The following NHSL2 variants were observed in gnomAD, a reference collection of about 807,000 sequenced individuals.
NHSL2 encodes the protein NHS-like protein 2.
NHSL2 carries 27 observed loss-of-function variants against 53.4 expected under a neutral mutation model. The observed-to-expected ratio is 0.51, with a 90% CI of 0.37 to 0.70. The LOEUF (loss-of-function observed/expected upper bound fraction) is 0.70, where lower values mean the gene tolerates loss of function less well. Among genes scored for constraint, NHSL2 ranks in the 30% least tolerant of loss-of-function variants. The pLI is 0.00. For synonymous variants in NHSL2, 408 were observed against 404.1 expected (o/e 1.01, Z -0.12); for missense variants, 892 against 980.1 (o/e 0.91, Z 1.20).
In NHSL2 at chrX:72,134,493, C is replaced by A; in HGVS notation, c.565-16C>A. On this transcript the variant is annotated splice_polypyrimidine_tract_variant and intron_variant, in intron 3 of 7. Transcript: ENST00000633930. ...AGGCAGGAATACACCCTTTCCATCA[C>A]CTTCTCTCCCAACAGCCTACAAAAC... 8.7e-7 allele frequency: 1 copy of A among 1,154,132 alleles called. No homozygotes were observed. The highest frequency in any genetic ancestry group is 1.2e-6 in the Non-Finnish European group (1 of 860,794).
Position 72,143,392 on chromosome X carries a change from G to A in NHSL2, c.3496G>A (p.Ala1166Thr). Residue 1166 changes from alanine (A) to threonine (T), a missense_variant, in exon 8 of 8, where the codon GCC becomes ACC. By Grantham distance (58) the Ala-to-Thr change is moderately conservative. Coordinates refer to ENST00000633930, the MANE Select transcript of NHSL2 (RefSeq NM_001013627.3). The part of the protein sequence containing the change: ...STATAGSGSS[A>T]NLDAGRNDDF... ...CGCCACTGCAGGGTCAGGCAGCAGT[G>A]CCAACCTAGATGCTGGCAGAAATGA... The A allele has an allele frequency of 8.6e-7, 1 of 1,167,633 alleles. No individual in the cohort carries two copies. Among genetic ancestry groups the A allele is most frequent in the Middle Eastern group, 2.3e-4 (1 of 4,305 alleles).
chrX:72,143,676 T>A lies in NHSL2; in HGVS notation c.*102T>A, dbSNP rs972420361. 142 of 517,102 alleles carry A rather than the reference T, an allele frequency of 2.7e-4. No homozygotes were observed. Among genetic ancestry groups the A allele is most frequent in the Middle Eastern group, 3.7e-4 (1 of 2,723 alleles). The allele number at this position is 517,102 out of a possible 1,213,427, so 42.6% of individuals were successfully genotyped here. A position where few individuals can be genotyped will look rare whatever the true frequency, so the allele number is the denominator to read the frequency against. On this transcript the variant is annotated 3_prime_UTR_variant, in exon 8 of 8. Coordinates refer to ENST00000633930, the MANE Select transcript of NHSL2 (RefSeq NM_001013627.3). ...ACCATGGGAACAACAGAGCCTACAT[T>A]TCTTTTATATTAACTCACACTCTGG... is the stretch of plus-strand genomic sequence containing the variant.
At chrX:72,005,382 C>T (rs748291728) in intron 1 of NHSL2, among the ~76,000 whole-genome samples, 2 of 112,464 alleles carry the variant, frequency 1.8e-5, no homozygotes, top group African/African-American at 6.5e-5. Flanking sequence ...AGCTAGTGGT[C>T]ACTGTGTTTC....
intron 6 of NHSL2, among the ~76,000 whole-genome samples, chrX:72,141,787 A>G (rs936846187): frequency 3.6e-5 from 4 of 112,164 alleles, no homozygotes; most frequent in Non-Finnish European, 7.5e-5. Flanking sequence ...ATATGAGTCA[A>G]TTATGACTAA....
intron 1 of NHSL2, among the ~76,000 whole-genome samples, chrX:72,066,437 C>G (rs1488537258): frequency 9.0e-6 from 1 of 111,425 alleles, no homozygotes; most frequent in South Asian, 3.8e-4. Flanking sequence ...CCAGCAGATC[C>G]TTAAGCATCT....
intron 1 of NHSL2, among the ~76,000 whole-genome samples, chrX:72,072,736 C>T (rs763030187): frequency 8.9e-6 from 1 of 112,404 alleles, no homozygotes; most frequent in Non-Finnish European, 1.9e-5. Context: ...ACCCCCTCCT[C>T]GGTACTAAAT....
chrX:72,109,140 G>A (rs770095024), intron 1 of NHSL2, among the ~76,000 whole-genome samples: 6 of 111,752 alleles, frequency 5.4e-5, no homozygotes, highest in Non-Finnish European at 9.4e-5. Flanking sequence ...CATGGACTGT[G>A]TCTGTCCTGT....
At position 71,936,649 on chromosome X, in the gene NHSL2, GA is replaced by G. The variant is rs767881173; in HGVS notation, c.280+25285del. Among the ~76,000 whole-genome samples, 3 of 112,387 alleles carry G rather than the reference GA, an allele frequency of 2.7e-5. No homozygotes were observed. In the East Asian group the frequency reaches 8.4e-4, roughly 31 times the overall value. On this transcript the variant is annotated intron_variant, in intron 1 of 7. Transcript: ENST00000633930. Reference sequence around the variant, plus strand: ...AATACAAACAAAGAGAAACAAAACAGAAACTTTAAAGCCCCTGAACTAGATA... The same window carrying G: ...AATACAAACAAAGAGAAACAAAACAGAACTTTAAAGCCCCTGAACTAGATA...
intron 1 of NHSL2, among the ~76,000 whole-genome samples, chrX:72,098,355 T>C (rs1050645688): frequency 2.8e-4 from 31 of 111,233 alleles, no homozygotes; most frequent in Middle Eastern, 9.5e-3. Flanking sequence ...CCGAGACGGG[T>C]GGATCACGAG....
At chrX:72,061,384 A>G (rs2042398467) in intron 1 of NHSL2, among the ~76,000 whole-genome samples, 1 of 111,987 alleles carries the variant, frequency 8.9e-6, no homozygotes. Context: ...AAGTTACTTA[A>G]CTTCCCCTAA....
At chrX:72,037,348 G>C (rs376843189) in intron 1 of NHSL2, among the ~76,000 whole-genome samples, 3 of 107,899 alleles carry the variant, frequency 2.8e-5, no homozygotes, top group African/African-American at 1.0e-4. Flanking sequence ...GCATGAACCC[G>C]GGAGGTGGAG....
chrX:71,960,947 A>C (rs2041864815), intron 1 of NHSL2, among the ~76,000 whole-genome samples: 1 of 112,075 alleles, frequency 8.9e-6, no homozygotes, highest in South Asian at 3.7e-4. Context: ...AATTGCATTA[A>C]ATTTGTAGAT....
At chrX:72,035,569 G>A (rs549601252) in intron 1 of NHSL2, among the ~76,000 whole-genome samples, 4 of 110,689 alleles carry the variant, frequency 3.6e-5, no homozygotes, top group African/African-American at 6.6e-5. Context: ...CTTGTTGCCC[G>A]AGTGAAGTGC....
At chrX:72,112,587 A>G (rs988883369) in intron 1 of NHSL2, among the ~76,000 whole-genome samples, 2 of 112,459 alleles carry the variant, frequency 1.8e-5, no homozygotes, top group Middle Eastern at 8.4e-3. Flanking sequence ...TGGACATATC[A>G]TAGAAATGGA....
chrX:72,142,435 C>T, intron 7 of NHSL2, 71 bp downstream of exon 7: 1 of 805,913 alleles, frequency 1.2e-6, no homozygotes, highest in Non-Finnish European at 1.7e-6. Flanking sequence ...ACCTGCTATT[C>T]CACATTGAAA....
In NHSL2 at chrX:72,151,617, T is replaced by C. The variant is rs910800608; in HGVS notation, c.*8043T>C. The C allele has an allele frequency of 8.9e-5, 10 of 112,008 alleles. No homozygotes were observed. The highest frequency in any genetic ancestry group is 3.7e-4 in the South Asian group (1 of 2,670). The allele number at this position is 112,008 out of a possible 1,213,427, so 9.2% of individuals were successfully genotyped here. On this transcript the variant is annotated 3_prime_UTR_variant, in exon 8 of 8. Coordinates refer to ENST00000633930, the MANE Select transcript of NHSL2 (RefSeq NM_001013627.3). Reference sequence around the variant, plus strand: ...CTCAGTGTAGAAACCCTCATTTTTTTCCCCAGACCTATCCTTGTTACCCAA... The same window carrying C: ...CTCAGTGTAGAAACCCTCATTTTTTCCCCCAGACCTATCCTTGTTACCCAA...
chrX:72,064,562 C>T (rs1361745080), intron 1 of NHSL2, among the ~76,000 whole-genome samples: 1 of 112,081 alleles, frequency 8.9e-6, no homozygotes, highest in Non-Finnish European at 1.9e-5. Context: ...CTCTTGGGTT[C>T]CGGGGGGCAG....
intron 1 of NHSL2, among the ~76,000 whole-genome samples, chrX:72,027,128 C>G (rs980402772): frequency 8.9e-6 from 1 of 112,405 alleles, no homozygotes; most frequent in East Asian, 2.8e-4. Flanking sequence ...GAGACTTCAG[C>G]TTTGGTCCCT....
chrX:72,088,159 A>G (rs1365977250), intron 1 of NHSL2, among the ~76,000 whole-genome samples: 1 of 111,989 alleles, frequency 8.9e-6, no homozygotes, highest in African/African-American at 3.3e-5. Context: ...TGAACCCGGG[A>G]GGCAGAGGTT....
Sources: gnomAD v4.1 joint callset for allele counts (sites outside exome capture counted in the v4.1 genomes callset) on GRCh38, gnomAD v4.1.1 for gene constraint, MANE v1.5 for transcripts, NCBI Gene and HGNC (gene_info 2026-07-23, HGNC 2026-07-21) for gene names.